OSBPL3: variants seen among roughly 807,000 people sequenced by gnomAD.
OSBPL3 encodes oxysterol binding protein like 3, also known as oxysterol-binding protein-related protein 3.
OSBPL3 carries 65 observed loss-of-function variants against 120.1 expected under a neutral mutation model. The observed-to-expected ratio is 0.54, with a 90% confidence interval of 0.44 to 0.67. OSBPL3 has a LOEUF of 0.67. Among genes scored for constraint, OSBPL3 ranks in the 30% least tolerant of loss-of-function variants. The probability of loss-of-function intolerance (pLI) is 0.00; values close to 1 mark genes in which losing one functional copy is unlikely to be tolerated. For missense variants in OSBPL3, 1,004 were observed against 1,082.1 expected, an observed-to-expected ratio of 0.93 and a Z score of 1.01; for synonymous variants, 416 against 402.6, an observed-to-expected ratio of 1.03 and a Z score of -0.40.
At chr7:24,908,295 G>A (rs138506537) in intron 1 of OSBPL3, among the ~76,000 whole-genome samples, 32 of 152,192 alleles carry the variant, frequency 2.1e-4, no homozygotes, top group East Asian at 1.9e-4. Context: ...TTAAATGATC[G>A]GCAAAACAAG....
chr7:24,951,020 G>C (rs1286592718), intron 1 of OSBPL3, among the ~76,000 whole-genome samples: 1 of 152,040 alleles, frequency 6.6e-6, no homozygotes, highest in African/African-American at 2.4e-5. Flanking sequence ...ATATGATATT[G>C]TGTCAAAGCC....
intron 10 of OSBPL3, among the ~76,000 whole-genome samples, chr7:24,856,503 G>C (rs1799860650): frequency 6.6e-6 from 1 of 152,116 alleles, no homozygotes; most frequent in Non-Finnish European, 1.5e-5. Context: ...AGTTATGAAT[G>C]CCATGGGTAC....
At position 24,834,323 on chromosome 7, in the gene OSBPL3, G is replaced by C. The variant is rs765883910; in HGVS notation, c.1746+163C>G. On this transcript the variant is annotated intron_variant, in intron 15 of 22. Transcript: ENST00000313367. The surrounding 1 kb of genome is among the most constrained non-coding windows in gnomAD (Gnocchi z 5.2). ...AATCCTCACAAGGTGACTGGAAACA[G>C]CCAGGCGGAGGAAGCCAGACAGCTC... is the stretch of plus-strand genomic sequence containing the variant. 2 of 1,465,556 alleles carry C rather than the reference G, an allele frequency of 1.4e-6. No individual in the cohort carries two copies. Among genetic ancestry groups the C allele is most frequent in the Non-Finnish European group, 1.8e-6 (2 of 1,107,086 alleles). 90.8% of individuals were successfully genotyped at this position (1,465,556 alleles called of 1,614,324 possible). A position where few individuals can be genotyped will look rare whatever the true frequency, so the allele number is the denominator to read the frequency against.
At position 24,891,008 on chromosome 7, in the gene OSBPL3, G is replaced by A. The variant is rs985468471; in HGVS notation, c.96+1369C>T. Among the ~76,000 whole-genome samples, 2 of 152,066 alleles carry A rather than the reference G, an allele frequency of 1.3e-5. No individual in the cohort carries two copies. The highest frequency in any genetic ancestry group is 4.8e-5 in the African/African-American group (2 of 41,380). The stretch of plus-strand genomic sequence containing the variant: ...ATGTTCTCCCCCTTTATCAAAGAAG[G>A]ACATAACAACCCCTAGGTGTAAGGA... On this transcript the variant is annotated intron_variant, in intron 2 of 22. Transcript: ENST00000313367. This position sits in a 1 kb window ranked among gnomAD's most constrained non-coding sequence, Gnocchi z 4.1.
intron 1 of OSBPL3, among the ~76,000 whole-genome samples, chr7:24,909,797 T>G (rs990961250): frequency 7.1e-6 from 1 of 141,406 alleles, no homozygotes; most frequent in Non-Finnish European, 1.6e-5. Context: ...TTTTTTTTTT[T>G]TTTTTTTTTT....
chr7:24,884,903 T>C (rs1420331468), intron 2 of OSBPL3, among the ~76,000 whole-genome samples: 3 of 152,120 alleles, frequency 2.0e-5, no homozygotes, highest in Non-Finnish European at 4.4e-5. Flanking sequence ...TGGACTTTCT[T>C]GTGGTGTTTA....
chr7:24,935,043 T>C (rs2128472381), intron 1 of OSBPL3, among the ~76,000 whole-genome samples: 1 of 152,254 alleles, frequency 6.6e-6, no homozygotes, highest in East Asian at 1.9e-4. Flanking sequence ...CATAAGGTTG[T>C]TTGTACTAGT....
At chr7:24,823,359 A>G (rs970464944) in intron 16 of OSBPL3, among the ~76,000 whole-genome samples, 1 of 152,132 alleles carries the variant, frequency 6.6e-6, no homozygotes, top group Non-Finnish European at 1.5e-5. Context: ...CATTTAAAAA[A>G]TCAAAATATA....
chr7:24,856,994 A>G (rs1297177902), intron 10 of OSBPL3, among the ~76,000 whole-genome samples: 11 of 152,190 alleles, frequency 7.2e-5, no homozygotes, highest in Admixed American at 7.2e-4. Context: ...TTTATGCTGA[A>G]TTCTAATTTA....
At chr7:24,961,936 T>C (rs1045840633) in intron 1 of OSBPL3, among the ~76,000 whole-genome samples, 2 of 152,300 alleles carry the variant, frequency 1.3e-5, no homozygotes, top group South Asian at 4.1e-4. Context: ...CACAACATCA[T>C]AAAGGACAGA....
intron 16 of OSBPL3, among the ~76,000 whole-genome samples, chr7:24,826,919 A>T (rs764169794): frequency 6.6e-6 from 1 of 152,116 alleles, no homozygotes; most frequent in Non-Finnish European, 1.5e-5. Flanking sequence ...GAACATCCAC[A>T]TGCCCAGCAA....
chr7:24,842,936 T>C (rs989755529), intron 12 of OSBPL3, among the ~76,000 whole-genome samples: 2 of 152,256 alleles, frequency 1.3e-5, no homozygotes, highest in African/African-American at 4.8e-5. Context: ...TGGCAGATCA[T>C]TTACTATTCA....
At position 24,916,924 on chromosome 7, in the gene OSBPL3, C is replaced by CCCA. The variant is rs1554404745; in HGVS notation, c.-149-24306_-149-24304dup. ...TAAGACGTCTTCCATTTCCACCCCC[C>CCCA]CCAACCTTTTTAGAAAATTAAATAA... On this transcript the variant is annotated intron_variant, in intron 1 of 22. Transcript: ENST00000313367. The surrounding 1 kb of genome is among the most constrained non-coding windows in gnomAD (Gnocchi z 4.9). Among the ~76,000 whole-genome samples, 1 of 151,612 alleles carries CCCA rather than the reference C, an allele frequency of 6.6e-6. No individual in the cohort carries two copies. The highest frequency in any genetic ancestry group is 1.5e-5 in the Non-Finnish European group (1 of 67,910).
At chr7:24,979,840 C>G in intron 1 of OSBPL3, 46 bp downstream of exon 1, 1 of 909,956 alleles carries the variant, frequency 1.1e-6, no homozygotes, top group Non-Finnish European at 1.3e-6. Flanking sequence ...CGCCGCCAGG[C>G]CCCCCGACAC....
rs185746954 is a variant in OSBPL3, at chr7:24,920,530, T to C, written c.-149-27909A>G. ...TAATATGGAGTTTCTTTTTGAGTGA[T>C]AGAAATTCATTAGATAGTGGTGATG... On this transcript the variant is annotated intron_variant, in intron 1 of 22. Transcript: ENST00000313367. 2.2e-3 allele frequency among the ~76,000 whole-genome samples: 340 copies of C among 152,312 alleles called. 2 individuals are homozygous for C. The highest frequency in any genetic ancestry group is 7.1e-3 in the African/African-American group (294 of 41,582).
chr7:24,949,329 T>C (rs1212558156), intron 1 of OSBPL3, among the ~76,000 whole-genome samples: 2 of 152,230 alleles, frequency 1.3e-5, no homozygotes, highest in Non-Finnish European at 2.9e-5. Context: ...TTAATATCTC[T>C]GACATTGGGT....
chr7:24,968,313 C>T lies in OSBPL3; in HGVS notation c.-150+11573G>A, dbSNP rs950026382. Among the ~76,000 whole-genome samples the T allele has an allele frequency of 7.2e-5, 11 of 152,320 alleles. No individual in the cohort carries two copies. The highest frequency in any genetic ancestry group is 2.2e-4 in the African/African-American group (9 of 41,584). On this transcript the variant is annotated intron_variant, in intron 1 of 22. Transcript: ENST00000313367. The surrounding 1 kb of genome is among the most constrained non-coding windows in gnomAD (Gnocchi z 4.6). The stretch of plus-strand genomic sequence containing the variant: ...TCCCACTGTGGCTGGCTTCAAACTA[C>T]CAACATGAAGTAATCAGCCAAGGGC...
In OSBPL3 at chr7:24,830,666, G is replaced by A. The variant is rs1796254167; in HGVS notation, c.1884+102C>T. ...GAAAAGCACTGTAATTATCTCGGCTGCTTTGAAGCCAGTGAAAGGTGGAAG... is the reference window on the plus strand; with the variant it reads ...GAAAAGCACTGTAATTATCTCGGCTACTTTGAAGCCAGTGAAAGGTGGAAG... On this transcript the variant is annotated intron_variant, in intron 16 of 22. Coordinates refer to ENST00000313367, the MANE Select transcript of OSBPL3 (RefSeq NM_015550.4). This position sits in a 1 kb window ranked among gnomAD's most constrained non-coding sequence, Gnocchi z 4.4. 3.5e-6 allele frequency: 4 copies of A among 1,146,290 alleles called. No homozygotes were observed. Among genetic ancestry groups the A allele is most frequent in the South Asian group, 1.5e-5 (1 of 64,964 alleles). 71.0% of individuals were successfully genotyped at this position (1,146,290 alleles called of 1,614,324 possible). A position where few individuals can be genotyped will look rare whatever the true frequency, so the allele number is the denominator to read the frequency against.
At position 24,930,674 on chromosome 7, in the gene OSBPL3, T is replaced by A. The variant is rs567766602; in HGVS notation, c.-149-38053A>T. ...CTTTCCAGGTTAACCTCTTAAAAAA[T>A]TTAATGAAAGTTATGGTCCAGTCTT... On this transcript the variant is annotated intron_variant, in intron 1 of 22. Transcript: ENST00000313367. This position sits in a 1 kb window ranked among gnomAD's most constrained non-coding sequence, Gnocchi z 4.4. 6.6e-6 allele frequency among the ~76,000 whole-genome samples: 1 copy of A among 152,316 alleles called. No homozygotes were observed. The highest frequency in any genetic ancestry group is 2.1e-4 in the South Asian group (1 of 4,826).
Sources: gnomAD v4.1 joint callset for allele counts (sites outside exome capture counted in the v4.1 genomes callset) on GRCh38, gnomAD v4.1.1 for gene constraint, Gnocchi (gnomAD v3.1) non-coding constraint, MANE v1.5 for transcripts, NCBI Gene and HGNC (gene_info 2026-07-23, HGNC 2026-07-21) for gene names.